The following C6orf132 variants were observed in gnomAD, a reference collection of about 807,000 sequenced individuals.
C6orf132 encodes uncharacterized protein C6orf132.
C6orf132 carries 43 observed loss-of-function variants against 65.3 expected under a neutral mutation model. The ratio of observed to expected loss-of-function variants is 0.66; its 90% confidence interval spans 0.52 to 0.85. The LOEUF is 0.85. Ranked by LOEUF, C6orf132 falls within the 40% of genes least tolerant of loss-of-function variation. The probability of loss-of-function intolerance (pLI) is 0.00; values close to 1 mark genes in which losing one functional copy is unlikely to be tolerated. For synonymous variants in C6orf132, 631 were observed against 654.1 expected, an observed-to-expected ratio of 0.96 and a Z score of 0.54; for missense variants, 1,488 against 1,548.8, an observed-to-expected ratio of 0.96 and a Z score of 0.66.
chr6:42,137,242 C>T (rs1165573116), intron 1 of C6orf132, among the ~76,000 whole-genome samples: 1 of 152,118 alleles, frequency 6.6e-6, no homozygotes, highest in Non-Finnish European at 1.5e-5. Flanking sequence ...AGAAGGGGCA[C>T]CTTGTAGCTG....
At chr6:42,133,387 T>A (rs1258779121) in intron 1 of C6orf132, among the ~76,000 whole-genome samples, 1 of 152,200 alleles carries the variant, frequency 6.6e-6, no homozygotes, top group South Asian at 2.1e-4. Context: ...TCTGGAAAAG[T>A]CCTTCGGGAT....
At chr6:42,113,930 G>C (rs1325124207) in intron 2 of C6orf132, among the ~76,000 whole-genome samples, 1 of 152,168 alleles carries the variant, frequency 6.6e-6, no homozygotes, top group Non-Finnish European at 1.5e-5. Context: ...GGAAACCAAT[G>C]CTAGTTGAAG....
chr6:42,127,139 G>C (rs1349694476), intron 2 of C6orf132, among the ~76,000 whole-genome samples: 36 of 152,062 alleles, frequency 2.4e-4, no homozygotes, highest in Admixed American at 1.8e-3. Context: ...ATTTTTTGTA[G>C]AGATGGGGTT....
intron 2 of C6orf132, among the ~76,000 whole-genome samples, chr6:42,128,129 T>C (rs1223232476): frequency 1.3e-5 from 2 of 151,548 alleles, no homozygotes; most frequent in African/African-American, 4.9e-5. Flanking sequence ...GGTTTCACCG[T>C]GTTAGCCAGG....
Position 42,107,060 on chromosome 6 carries a change from C to T in C6orf132, c.852G>A (p.Lys284=). Residue 284 remains lysine (K), a synonymous_variant, in exon 4 of 5, where the codon AAG becomes AAA. Transcript: ENST00000341865. ...CTGGGTTAGGTCCCAGGGCGCTCCC[C>T]TTTGGCTCAGCAGGGCTTCTCGGGG... ...ASPPRSPAEP[K]GSALGPNPEP... 6.7e-7 allele frequency: 1 copy of T among 1,495,926 alleles called. No homozygotes were observed. The highest frequency in any genetic ancestry group is 8.9e-7 in the Non-Finnish European group (1 of 1,124,056). 92.7% of individuals were successfully genotyped at this position (1,495,926 alleles called of 1,614,324 possible).
At chr6:42,131,764 T>C (rs1364034711) in intron 1 of C6orf132, among the ~76,000 whole-genome samples, 1 of 152,178 alleles carries the variant, frequency 6.6e-6, no homozygotes, top group Non-Finnish European at 1.5e-5. Flanking sequence ...CTCTGAGCCA[T>C]TGTTGTTTTG....
At position 42,104,718 on chromosome 6, in the gene C6orf132, C is replaced by A. The variant is rs777646571; in HGVS notation, c.3194G>T (p.Arg1065Leu). 1.3e-6 allele frequency: 2 copies of A among 1,525,254 alleles called. No homozygotes were observed. Among genetic ancestry groups the A allele is most frequent in the African/African-American group, 2.8e-5 (2 of 72,096 alleles). 94.5% of individuals were successfully genotyped at this position (1,525,254 alleles called of 1,614,324 possible). ...SGGGRSLIKKRLYVGEPHRGP... is the reference protein window; with the variant it reads ...SGGGRSLIKKLLYVGEPHRGP... ...TCGGTGCGGCTCCCCGACGTACAGG[C>A]GCTTCTTTATGAGCGAGCGGCCCCC... Residue 1065 changes from arginine to leucine, a missense_variant, in exon 4 of 5, where the codon CGC becomes CTC. Physicochemically the swap from Arg to Leu is moderately radical, Grantham distance 102. Transcript: ENST00000341865. This position sits in a 1 kb window ranked among gnomAD's most constrained non-coding sequence, Gnocchi z 4.1.
chr6:42,133,239 CGAG>C, intron 1 of C6orf132, among the ~76,000 whole-genome samples: 1 of 152,204 alleles, frequency 6.6e-6, no homozygotes, highest in South Asian at 2.1e-4. Context: ...GAAGGAGGGG[CGAG>C]GAGGAGGTGA....
Position 42,104,510 on chromosome 6 carries a change from G to A in C6orf132, c.3402C>T (p.His1134=), listed in dbSNP as rs1189982447. ...CGTAGTCGGCGCTGCCGGGCGCTTT[G>A]TGCTTGGCCTCCGCGGCGCCCCGGG... is the stretch of plus-strand genomic sequence containing the variant. ...GAARGAAEAK[H]KAPGSADYGF... is the part of the protein sequence containing the mutation. Residue 1134 remains histidine, a synonymous_variant, in exon 4 of 5, where the codon CAC becomes CAT. Transcript: ENST00000341865. The surrounding 1 kb of genome is among the most constrained non-coding windows in gnomAD (Gnocchi z 4.1). The A allele has an allele frequency of 3.2e-6, 4 of 1,235,146 alleles. No homozygotes were observed. The highest frequency in any genetic ancestry group is 4.0e-6 in the Non-Finnish European group (4 of 990,602). 76.5% of individuals were successfully genotyped at this position (1,235,146 alleles called of 1,614,324 possible). A position where few individuals can be genotyped will look rare whatever the true frequency, so the allele number is the denominator to read the frequency against.
At chr6:42,121,741 C>G (rs1007504484) in intron 2 of C6orf132, among the ~76,000 whole-genome samples, 1 of 152,200 alleles carries the variant, frequency 6.6e-6, no homozygotes, top group African/African-American at 2.4e-5. Context: ...GGGCACTGGC[C>G]CTGTGGGGCG....
intron 2 of C6orf132, among the ~76,000 whole-genome samples, chr6:42,111,278 ATTTTTTT>A (rs61241413): frequency 8.3e-6 from 1 of 119,970 alleles, no homozygotes; most frequent in Non-Finnish European, 1.7e-5. Flanking sequence ...TTCCTGGCTA[ATTTTTTT>A]TTTTTTTTTT....
chr6:42,128,673 A>C lies in C6orf132; in HGVS notation c.251T>G (p.Leu84Arg). 1 of 1,550,632 alleles carries C rather than the reference A, an allele frequency of 6.4e-7. No individual in the cohort carries two copies. Among genetic ancestry groups the C allele is most frequent in the Non-Finnish European group, 8.7e-7 (1 of 1,146,468 alleles). Residue 84 changes from leucine (L) to arginine (R), a missense_variant and splice_region_variant, in exon 2 of 5, where the codon CTG (leucine) becomes CGG (arginine). Leu to Arg is a moderately radical substitution (Grantham distance 102). Coordinates refer to ENST00000341865, the MANE Select transcript of C6orf132 (RefSeq NM_001164446.3). ...ACCTCAGAGCAGAACCGTACTCACC[A>C]GCGGAAGGAAGGTCAGCAGGGGCCG... Reference protein sequence around the residue: ...RVRPLLTFLPLNAQENHGLAV... With the variant: ...RVRPLLTFLPRNAQENHGLAV...
At position 42,103,091 on chromosome 6, in the gene C6orf132, C is replaced by G. The variant is rs1193861048; in HGVS notation, c.*670G>C. 1 of 398,616 alleles carries G rather than the reference C, an allele frequency of 2.5e-6. No individual in the cohort carries two copies. The highest frequency in any genetic ancestry group is 4.4e-6 in the Non-Finnish European group (1 of 226,142). The allele number at this position is 398,616 out of a possible 1,614,324, so 24.7% of individuals were successfully genotyped here. A position where few individuals can be genotyped will look rare whatever the true frequency, so the allele number is the denominator to read the frequency against. ...CCAAGGAAAAATGAACCATCAATCT[C>G]CCACCTCTGCCCTTGGCCAATGCAA... On this transcript the variant is annotated 3_prime_UTR_variant, in exon 5 of 5. Transcript: ENST00000341865.
At chr6:42,127,815 C>G (rs569342857) in intron 2 of C6orf132, among the ~76,000 whole-genome samples, 9 of 151,646 alleles carry the variant, frequency 5.9e-5, no homozygotes, top group African/African-American at 2.2e-4. Flanking sequence ...CTGTCAGAAG[C>G]GGGATGTGCT....
rs1766290613 is a variant in C6orf132 at position 42,101,923 on chromosome 6, A to C, written c.*1838T>G. The C allele has an allele frequency of 6.6e-6, 1 of 152,150 alleles. No individual in the cohort carries two copies. Among genetic ancestry groups the C allele is most frequent in the East Asian group, 1.9e-4 (1 of 5,182 alleles). The allele number at this position is 152,150 out of a possible 1,614,324, so 9.4% of individuals were successfully genotyped here. On this transcript the variant is annotated 3_prime_UTR_variant, in exon 5 of 5. Transcript: ENST00000341865. ...GGTCCAACATCTTCCCCCCAAAGGGAACTACTTTCTGGCTGGCCCCCACCA... is the reference window on the plus strand; with the variant it reads ...GGTCCAACATCTTCCCCCCAAAGGGCACTACTTTCTGGCTGGCCCCCACCA...
Position 42,117,923 on chromosome 6 carries a change from CAAAAAAAAAA to C in C6orf132, c.253-7642_253-7633del, listed in dbSNP as rs556142891. On this transcript the variant is annotated intron_variant, in intron 2 of 4. Coordinates refer to ENST00000341865, the MANE Select transcript of C6orf132 (RefSeq NM_001164446.3). The stretch of plus-strand genomic sequence containing the variant: ...TGAGTGACAGAGCAAAACCCTGTCA[CAAAAAAAAAA>C]AAAAAAAAAAAAAAAAAGAATATGG... Among the ~76,000 whole-genome samples the C allele has an allele frequency of 1.6e-4, 10 of 62,352 alleles. No homozygotes were observed. The South Asian group carries it at 2.5e-3, about 16-fold the overall frequency. The allele number at this position is 62,352 out of a possible 152,430, so 40.9% of individuals were successfully genotyped here.
chr6:42,117,039 C>T (rs1766594661), intron 2 of C6orf132, among the ~76,000 whole-genome samples: 1 of 152,166 alleles, frequency 6.6e-6, no homozygotes, highest in South Asian at 2.1e-4. Context: ...TCTTACTCTG[C>T]CTAGGATTCT....
Position 42,104,622 on chromosome 6 carries a change from C to G in C6orf132, c.3290G>C (p.Gly1097Ala). 1 of 1,381,558 alleles carries G rather than the reference C, an allele frequency of 7.2e-7. No individual in the cohort carries two copies. Among genetic ancestry groups the G allele is most frequent in the Non-Finnish European group, 9.3e-7 (1 of 1,073,866 alleles). The allele number at this position is 1,381,558 out of a possible 1,614,324, so 85.6% of individuals were successfully genotyped here. A position where few individuals can be genotyped will look rare whatever the true frequency, so the allele number is the denominator to read the frequency against. ...SSPNCFGPQP[G>A]GPEMRRVNSA... is the part of the protein sequence containing the mutation. ...GTTCACGCGCCGCATCTCGGGGCCTCCGGGCTGCGGCCCGAAGCAGTTGGG... is the reference window on the plus strand; with the variant it reads ...GTTCACGCGCCGCATCTCGGGGCCTGCGGGCTGCGGCCCGAAGCAGTTGGG... Residue 1097 changes from glycine to alanine, a missense_variant, in exon 4 of 5, where the codon GGA (glycine) becomes GCA (alanine). By Grantham distance (60) the Gly-to-Ala change is moderately conservative. Transcript: ENST00000341865. This position sits in a 1 kb window ranked among gnomAD's most constrained non-coding sequence, Gnocchi z 4.1.
chr6:42,135,803 T>A (rs1766932673), intron 1 of C6orf132, among the ~76,000 whole-genome samples: 3 of 152,200 alleles, frequency 2.0e-5, no homozygotes, highest in African/African-American at 7.2e-5. Context: ...TATTCCCAAT[T>A]TGCAGTTGAG....
Sources: gnomAD v4.1 joint callset for allele counts (sites outside exome capture counted in the v4.1 genomes callset) on GRCh38, gnomAD v4.1.1 for gene constraint, Gnocchi (gnomAD v3.1) non-coding constraint, MANE v1.5 for transcripts, NCBI Gene and HGNC (gene_info 2026-07-23, HGNC 2026-07-21) for gene names.